Variants in MRPS31 observed in about 807,000 individuals in gnomAD.
The protein encoded by MRPS31 is mitochondrial ribosomal protein S31, also known as small ribosomal subunit protein mS31.
In MRPS31, 32 loss-of-function variants were observed where a neutral mutation model predicts 43.1. That is an observed-to-expected ratio of 0.74 (90% CI 0.56 to 1.00). The LOEUF is 1.00. MRPS31 is among the 50% of genes least tolerant of loss of function. MRPS31 has a pLI of 0.00. For synonymous variants in MRPS31, 165 were observed against 161.6 expected, an observed-to-expected ratio of 1.02 and a Z score of -0.16; for missense variants, 437 against 466.7, an observed-to-expected ratio of 0.94 and a Z score of 0.59.
chr13:40,734,454 T>G (rs751900807), intron 6 of MRPS31, among the ~76,000 whole-genome samples: 2 of 152,272 alleles, frequency 1.3e-5, no homozygotes, highest in Middle Eastern at 3.4e-3. Flanking sequence ...TTCAATATTT[T>G]TGTGCATGTG....
chr13:40,761,250 G>T (rs919775390), intron 2 of MRPS31, among the ~76,000 whole-genome samples: 10 of 147,712 alleles, frequency 6.8e-5, no homozygotes, highest in Non-Finnish European at 1.2e-4. Flanking sequence ...CTGAGGCACA[G>T]AGTGAGAGTC....
intron 1 of MRPS31, among the ~76,000 whole-genome samples, chr13:40,768,460 G>T (rs1453660494): frequency 1.3e-5 from 2 of 151,330 alleles, no homozygotes; most frequent in East Asian, 1.9e-4. Flanking sequence ...TTGAGACAGG[G>T]CCTCACTCTG....
intron 5 of MRPS31, among the ~76,000 whole-genome samples, chr13:40,752,561 T>A (rs1161842044): frequency 1.3e-5 from 2 of 152,170 alleles, no homozygotes; most frequent in African/African-American, 4.8e-5. Context: ...AATTTAAGAT[T>A]TAAGACACCT....
intron 2 of MRPS31, among the ~76,000 whole-genome samples, chr13:40,759,606 A>G (rs113955403): frequency 2.0e-5 from 3 of 152,352 alleles, no homozygotes; most frequent in African/African-American, 7.2e-5. Context: ...ACTATTAGGT[A>G]CCGGTTTTAT....
chr13:40,760,449 G>A (rs1880664092), intron 2 of MRPS31, among the ~76,000 whole-genome samples: 1 of 152,050 alleles, frequency 6.6e-6, no homozygotes, highest in Non-Finnish European at 1.5e-5. Flanking sequence ...TACAAGAATG[G>A]CAAAATGTTG....
intron 5 of MRPS31, among the ~76,000 whole-genome samples, chr13:40,750,742 T>TTATATATATATATATATATATATATATA (rs66521234): frequency 7.6e-6 from 1 of 130,850 alleles, no homozygotes; most frequent in African/African-American, 2.9e-5. Context: ...GTATCCCATT[T>TTATATATATATATATATATATATATATA]TATATATATA....
intron 6 of MRPS31, among the ~76,000 whole-genome samples, chr13:40,744,584 T>TA: frequency 6.6e-6 from 1 of 152,242 alleles, no homozygotes; most frequent in Non-Finnish European, 1.5e-5. Context: ...ATTTTTGAGA[T>TA]AGAGTCGCGC....
rs139601201 is a variant in MRPS31, at chr13:40,730,689, T to C, written c.959-1088A>G. 5.9e-3 allele frequency among the ~76,000 whole-genome samples: 892 copies of C among 151,874 alleles called. 7 individuals are homozygous for C. The highest frequency in any genetic ancestry group is 0.021 in the African/African-American group (858 of 41,434). On this transcript the variant is annotated intron_variant, in intron 6 of 6. Coordinates refer to ENST00000323563, the MANE Select transcript of MRPS31 (RefSeq NM_005830.4). ...GATTCTCCTGCCTCGGCCTCCCCAG[T>C]AGCTGTGATTACAGGCGCCTGCCAC...
At chr13:40,751,895 T>G (rs1205741741) in intron 5 of MRPS31, among the ~76,000 whole-genome samples, 9 of 152,190 alleles carry the variant, frequency 5.9e-5, no homozygotes, top group Non-Finnish European at 1.2e-4. Context: ...AATGCTTCCT[T>G]GCCAACTAAC....
intron 6 of MRPS31, among the ~76,000 whole-genome samples, chr13:40,738,793 T>C (rs1267351934): frequency 1.3e-5 from 2 of 152,144 alleles, no homozygotes; most frequent in African/African-American, 4.8e-5. Flanking sequence ...TATTTCAAAA[T>C]AATAAGAGAT....
chr13:40,761,752 A>G (rs1880700259), intron 2 of MRPS31, among the ~76,000 whole-genome samples: 1 of 152,198 alleles, frequency 6.6e-6, no homozygotes, highest in Non-Finnish European at 1.5e-5. Context: ...ATGACATACA[A>G]TTTCAGAAAA....
intron 6 of MRPS31, among the ~76,000 whole-genome samples, chr13:40,734,276 A>G (rs898636554): frequency 1.3e-5 from 2 of 152,198 alleles, no homozygotes; most frequent in African/African-American, 4.8e-5. Flanking sequence ...GATAGAGTAG[A>G]AAATATGTGG....
At chr13:40,734,982 C>G (rs960205287) in intron 6 of MRPS31, among the ~76,000 whole-genome samples, 1 of 152,172 alleles carries the variant, frequency 6.6e-6, no homozygotes, top group Admixed American at 6.5e-5. Flanking sequence ...GCCTGAGCGA[C>G]GCAGAAGACG....
At chr13:40,745,321 C>T (rs939553279) in intron 6 of MRPS31, among the ~76,000 whole-genome samples, 6 of 152,098 alleles carry the variant, frequency 3.9e-5, no homozygotes, top group East Asian at 1.9e-4. Flanking sequence ...GGCACAATCT[C>T]GGCTCACCAC....
chr13:40,755,250 ACT>A (rs768012961), intron 4 of MRPS31, among the ~76,000 whole-genome samples: 7 of 152,148 alleles, frequency 4.6e-5, no homozygotes, highest in Non-Finnish European at 1.0e-4. Flanking sequence ...ACGCTCCATA[ACT>A]CTCTTCAGTG....
At chr13:40,747,087 C>CT (rs904212041) in intron 6 of MRPS31, among the ~76,000 whole-genome samples, 25 of 150,016 alleles carry the variant, frequency 1.7e-4, no homozygotes, top group South Asian at 6.3e-4. Flanking sequence ...TTCTTTCTTT[C>CT]TTTTTTTTTG....
At chr13:40,734,192 T>C (rs1319996238) in intron 6 of MRPS31, among the ~76,000 whole-genome samples, 1 of 152,024 alleles carries the variant, frequency 6.6e-6, no homozygotes, top group African/African-American at 2.4e-5. Context: ...AAGTAAACCA[T>C]TAAAAAAGTA....
intron 6 of MRPS31, among the ~76,000 whole-genome samples, chr13:40,736,580 C>A (rs556993872): frequency 6.6e-6 from 1 of 151,140 alleles, no homozygotes; most frequent in Non-Finnish European, 1.5e-5. Context: ...AACAGCGGAT[C>A]TCTCGGCAGA....
chr13:40,759,044 A>G lies in MRPS31; in HGVS notation c.503T>C (p.Phe168Ser). The change falls in exon 3 of 7, where the codon TTT becomes TCT. Residue 168 changes from phenylalanine to serine, a missense_variant. By Grantham distance (155) the Phe-to-Ser change is radical (BLOSUM62 -2). Coordinates refer to ENST00000323563, the MANE Select transcript of MRPS31 (RefSeq NM_005830.4). The part of the protein sequence containing the change: ...AASAVADSLP[F>S]DKQTTKSELL... ...CTCTGACTTGGTTGTTTGCTTATCA[A>G]AAGGGAGAGAATCTGCCACAGCAGA... is the stretch of plus-strand genomic sequence containing the variant. The G allele has an allele frequency of 6.2e-7, 1 of 1,609,078 alleles. No homozygotes were observed. Among genetic ancestry groups the G allele is most frequent in the Non-Finnish European group, 8.5e-7 (1 of 1,178,034 alleles).
Sources: allele counts gnomAD v4.1 joint callset (sites outside exome capture counted in the v4.1 genomes callset), GRCh38; gene constraint gnomAD v4.1.1; transcripts MANE v1.5; gene names NCBI Gene and HGNC (gene_info 2026-07-23, HGNC 2026-07-21).